The following C12orf60 variants were observed in gnomAD, a reference collection of about 807,000 sequenced individuals.
The protein encoded by C12orf60 is uncharacterized protein C12orf60.
For synonymous variants in C12orf60, 102 were observed against 94.6 expected (o/e 1.08, Z -0.45); for missense variants, 284 against 283.2 (o/e 1.00, Z -0.02).
intron 1 of C12orf60, among the ~76,000 whole-genome samples, chr12:14,808,788 A>G (rs1051796263): frequency 1.3e-5 from 2 of 152,234 alleles, no homozygotes; most frequent in African/African-American, 4.8e-5. Context: ...ACACATACAC[A>G]TATATACAGG....
At chr12:14,822,339 A>G (rs1950319212) in intron 1 of C12orf60, among the ~76,000 whole-genome samples, 1 of 151,882 alleles carries the variant, frequency 6.6e-6, no homozygotes, top group Non-Finnish European at 1.5e-5. Context: ...AACAACAACA[A>G]CAACAAACAC....
At chr12:14,816,328 C>A (rs1202040239) in intron 1 of C12orf60, among the ~76,000 whole-genome samples, 1 of 152,228 alleles carries the variant, frequency 6.6e-6, no homozygotes, top group African/African-American at 2.4e-5. Context: ...TATCCTAAAG[C>A]TCATCCCCTT....
chr12:14,815,324 A>G (rs1013825892), intron 1 of C12orf60, among the ~76,000 whole-genome samples: 1 of 152,162 alleles, frequency 6.6e-6, no homozygotes, highest in African/African-American at 2.4e-5. Context: ...TGAACTAGGT[A>G]TGGATGTTAA....
chr12:14,823,060 A>C lies in C12orf60; in HGVS notation c.125A>C (p.Asn42Thr). Residue 42 changes from asparagine to threonine, a missense_variant, in exon 2 of 2, where the codon AAT becomes ACT. Physicochemically the swap from Asn to Thr is moderately conservative, Grantham distance 65. Transcript: ENST00000330828. ...TLTELFSRSM[N>T]TQILLMAVKN... ...ACTGAATTGTTTAGCCGCAGTATGA[A>C]TACTCAAATCCTTTTGATGGCTGTG... 1 of 1,614,156 alleles carries C rather than the reference A, an allele frequency of 6.2e-7. No individual in the cohort carries two copies. The highest frequency in any genetic ancestry group is 8.5e-7 in the Non-Finnish European group (1 of 1,179,988).
At chr12:14,812,473 A>G (rs1376496940) in intron 1 of C12orf60, among the ~76,000 whole-genome samples, 1 of 152,090 alleles carries the variant, frequency 6.6e-6, no homozygotes, top group Non-Finnish European at 1.5e-5. Flanking sequence ...TTGGTTACGT[A>G]TACTATTCCC....
chr12:14,812,471 G>T (rs1373202537), intron 1 of C12orf60, among the ~76,000 whole-genome samples: 3 of 151,780 alleles, frequency 2.0e-5, no homozygotes, highest in Non-Finnish European at 2.9e-5. Context: ...TATTGGTTAC[G>T]TATACTATTC....
intron 1 of C12orf60, among the ~76,000 whole-genome samples, chr12:14,822,043 C>T (rs1287684058): frequency 1.5e-5 from 2 of 136,148 alleles, no homozygotes; most frequent in Non-Finnish European, 3.1e-5. Flanking sequence ...GTGGGTGGCA[C>T]TGCTGTTACT....
intron 1 of C12orf60, among the ~76,000 whole-genome samples, chr12:14,815,884 C>G (rs1592238298): frequency 6.6e-6 from 1 of 152,184 alleles, no homozygotes; most frequent in East Asian, 1.9e-4. Context: ...CCACTCCTTT[C>G]TCTCCTACCA....
rs536317251 is a variant in C12orf60, at chr12:14,816,320, T to A, written c.-24-6592T>A. 2.0e-5 allele frequency among the ~76,000 whole-genome samples: 3 copies of A among 152,294 alleles called. No homozygotes were observed. The South Asian group carries it at 6.2e-4, about 32-fold the overall frequency. On this transcript the variant is annotated intron_variant, in intron 1 of 1. Coordinates refer to ENST00000330828, the MANE Select transcript of C12orf60 (RefSeq NM_175874.4). Reference sequence around the variant, plus strand: ...TTAGAATGCTTTATTTTCCCTTTTATCCTAAAGCTCATCCCCTTCTTTTCC... The same window carrying A: ...TTAGAATGCTTTATTTTCCCTTTTAACCTAAAGCTCATCCCCTTCTTTTCC...
intron 1 of C12orf60, among the ~76,000 whole-genome samples, chr12:14,815,974 C>G (rs1304396551): frequency 6.6e-6 from 1 of 152,174 alleles, no homozygotes; most frequent in South Asian, 2.1e-4. Context: ...AAACTAGAAG[C>G]AATATTGACT....
chr12:14,819,797 A>G (rs1435508709), intron 1 of C12orf60, among the ~76,000 whole-genome samples: 1 of 152,098 alleles, frequency 6.6e-6, no homozygotes, highest in Non-Finnish European at 1.5e-5. Context: ...TTTAATGTTG[A>G]ACTAACCTTA....
rs1470684533 is a variant in C12orf60, at chr12:14,823,008, G to A, written c.73G>A (p.Asp25Asn). 6.2e-7 allele frequency: 1 copy of A among 1,612,076 alleles called. No individual in the cohort carries two copies. The highest frequency in any genetic ancestry group is 8.5e-7 in the Non-Finnish European group (1 of 1,178,374). ...CAAAATGTTCTTCTTTCATGTACAA[G>A]ATCTTGCTTCTGTCATAAACACACT... ...AAKMFFFHVQ[D>N]LASVINTLTE... The change falls in exon 2 of 2, where the codon GAT becomes AAT. Residue 25 changes from aspartate (D) to asparagine (N), a missense_variant. Coordinates refer to ENST00000330828, the MANE Select transcript of C12orf60 (RefSeq NM_175874.4).
intron 1 of C12orf60, among the ~76,000 whole-genome samples, chr12:14,812,817 T>G (rs1439369011): frequency 2.0e-5 from 3 of 152,060 alleles, no homozygotes; most frequent in Non-Finnish European, 4.4e-5. Flanking sequence ...GACTATACTG[T>G]GTGTTGCTGA....
At chr12:14,810,697 C>T (rs771389092) in intron 1 of C12orf60, among the ~76,000 whole-genome samples, 2 of 152,112 alleles carry the variant, frequency 1.3e-5, no homozygotes, top group African/African-American at 2.4e-5. Flanking sequence ...ATTTAGTCAT[C>T]TAGTAAGGTT....
Position 14,803,737 on chromosome 12 carries a change from G to T in C12orf60, c.-39G>T. ...CTCGAGTTGGAGGCATCTTGACTTA[G>T]TTGCTGGGAGCCTGGTACGTTGAGC... On this transcript the variant is annotated 5_prime_UTR_variant, in exon 1 of 2. Coordinates refer to ENST00000330828, the MANE Select transcript of C12orf60 (RefSeq NM_175874.4). 1 of 370,364 alleles carries T rather than the reference G, an allele frequency of 2.7e-6. No individual in the cohort carries two copies. The highest frequency in any genetic ancestry group is 4.8e-6 in the Non-Finnish European group (1 of 208,700). 22.9% of individuals were successfully genotyped at this position (370,364 alleles called of 1,614,324 possible).
chr12:14,807,188 G>A (rs1028236323), intron 1 of C12orf60, among the ~76,000 whole-genome samples: 2 of 152,216 alleles, frequency 1.3e-5, no homozygotes, highest in African/African-American at 4.8e-5. Flanking sequence ...TGTATGGAAA[G>A]TGTAGGCAAC....
intron 1 of C12orf60, among the ~76,000 whole-genome samples, chr12:14,814,607 A>G (rs1177429498): frequency 6.6e-6 from 1 of 152,210 alleles, no homozygotes; most frequent in African/African-American, 2.4e-5. Flanking sequence ...AGATATATAA[A>G]TGCAGTTACT....
intron 1 of C12orf60, among the ~76,000 whole-genome samples, chr12:14,816,234 A>G (rs1381149468): frequency 6.6e-6 from 1 of 152,092 alleles, no homozygotes; most frequent in Admixed American, 6.5e-5. Flanking sequence ...GGGAAATGAG[A>G]GTGAAAGCAA....
At chr12:14,804,460 T>G (rs999417951) in intron 1 of C12orf60, among the ~76,000 whole-genome samples, 2 of 152,246 alleles carry the variant, frequency 1.3e-5, no homozygotes, top group African/African-American at 4.8e-5. Flanking sequence ...AGATACATAC[T>G]AATTTTTAGC....
Sources: allele counts gnomAD v4.1 joint callset (sites outside exome capture counted in the v4.1 genomes callset), GRCh38; gene constraint gnomAD v4.1.1; transcripts MANE v1.5; gene names NCBI Gene and HGNC (gene_info 2026-07-23, HGNC 2026-07-21).